Variants in ATP2B2 observed in about 807,000 individuals in gnomAD.
The protein encoded by ATP2B2 is ATPase plasma membrane Ca2+ transporting 2.
A neutral mutation model predicts 120.0 loss-of-function variants in ATP2B2; 15 were observed. The observed-to-expected ratio is 0.12, with a 90% CI of 0.08 to 0.19. The LOEUF (loss-of-function observed/expected upper bound fraction) is 0.19. Among genes scored for constraint, ATP2B2 ranks in the 10% least tolerant of loss-of-function variants. The pLI, the probability that ATP2B2 is intolerant of heterozygous loss-of-function variation, is 1.00. For missense variants in ATP2B2, 1,045 were observed against 1,719.8 expected, an observed-to-expected ratio of 0.61 and a Z score of 6.94; for synonymous variants, 694 against 700.3, an observed-to-expected ratio of 0.99 and a Z score of 0.14.
chr3:10,357,751 T>C (rs1345252631), intron 14 of ATP2B2, among the ~76,000 whole-genome samples: 2 of 152,180 alleles, frequency 1.3e-5, no homozygotes, highest in East Asian at 3.9e-4. Context: ...CAGCCCCTCC[T>C]GCACGCTGCC....
chr3:10,394,214 G>A (rs907090384), intron 5 of ATP2B2, among the ~76,000 whole-genome samples: 53 of 152,006 alleles, frequency 3.5e-4, no homozygotes, highest in Admixed American at 5.2e-4. Context: ...TATTTCTGGG[G>A]GCTATTATCT....
intron 18 of ATP2B2, among the ~76,000 whole-genome samples, 169 bp downstream of exon 18, chr3:10,345,215 C>T (rs2060396208): frequency 6.6e-6 from 1 of 152,258 alleles, no homozygotes; most frequent in Non-Finnish European, 1.5e-5. Context: ...CCAGTGCCTG[C>T]ACCTGAGCTC....
At chr3:10,620,939 A>T (rs1158199784) in intron 1 of ATP2B2, among the ~76,000 whole-genome samples, 1 of 151,866 alleles carries the variant, frequency 6.6e-6, no homozygotes, top group Non-Finnish European at 1.5e-5. Context: ...TGTCCTCCTC[A>T]CTCACAGGGT....
At position 10,414,578 on chromosome 3, in the gene ATP2B2, T is replaced by G. The variant is rs142439712; in HGVS notation, c.200-3763A>C. Among the ~76,000 whole-genome samples, 1,211 of 152,308 alleles carry G rather than the reference T, an allele frequency of 8.0e-3. 12 individuals are homozygous for G. The highest frequency in any genetic ancestry group is 0.028 in the African/African-American group (1,157 of 41,560). ...GGGCCCAGTGTGGCAGATCTTCCAA[T>G]CTTCTAAGAGAAGCTGGACATCTGG... is the stretch of plus-strand genomic sequence containing the variant. On this transcript the variant is annotated intron_variant, in intron 2 of 22. Coordinates refer to ENST00000360273, the MANE Select transcript of ATP2B2 (RefSeq NM_001001331.4).
chr3:10,573,019 C>T (rs1324784865), intron 2 of ATP2B2, among the ~76,000 whole-genome samples: 6 of 152,156 alleles, frequency 3.9e-5, no homozygotes, highest in Admixed American at 1.3e-4. Context: ...ATTCCTGGTG[C>T]ATCTCAAATC....
intron 2 of ATP2B2, among the ~76,000 whole-genome samples, chr3:10,445,816 C>G (rs1444622473): frequency 6.6e-6 from 1 of 152,212 alleles, no homozygotes; most frequent in Non-Finnish European, 1.5e-5. Flanking sequence ...AATGGTCAAA[C>G]TGAGTCCCTG....
At chr3:10,383,259 G>A (rs1250264371) in intron 8 of ATP2B2, among the ~76,000 whole-genome samples, 1 of 152,052 alleles carries the variant, frequency 6.6e-6, no homozygotes, top group Non-Finnish European at 1.5e-5. Flanking sequence ...ATTTCCCAGA[G>A]TATATTATGG....
intron 1 of ATP2B2, among the ~76,000 whole-genome samples, chr3:10,465,133 A>C (rs1186622240): frequency 6.6e-6 from 1 of 152,188 alleles, no homozygotes; most frequent in Non-Finnish European, 1.5e-5. Flanking sequence ...CTCTCCCCTG[A>C]GCCCTGGTGT....
At chr3:10,682,845 G>T (rs891489684) in intron 1 of ATP2B2, among the ~76,000 whole-genome samples, 3 of 152,192 alleles carry the variant, frequency 2.0e-5, no homozygotes, top group Non-Finnish European at 4.4e-5. Flanking sequence ...GCTTCTGATG[G>T]GACAACCACA....
chr3:10,663,230 TATA>T (rs139249355), intron 1 of ATP2B2, among the ~76,000 whole-genome samples: 34,213 of 150,206 alleles, frequency 0.23, 6,687 homozygotes, highest in African/African-American at 0.53. Context: ...GAATTTAAAG[TATA>T]ATAATAATAA....
intron 1 of ATP2B2, among the ~76,000 whole-genome samples, chr3:10,451,377 G>GT (rs141720030): frequency 0.055 from 8,404 of 152,270 alleles, 770 homozygotes; most frequent in African/African-American, 0.19. Flanking sequence ...AGTTCCTTCA[G>GT]TTTTTGGAGC....
At chr3:10,665,140 C>T (rs2070894185) in intron 1 of ATP2B2, among the ~76,000 whole-genome samples, 1 of 152,230 alleles carries the variant, frequency 6.6e-6, no homozygotes, top group South Asian at 2.1e-4. Flanking sequence ...ACCTGCTACC[C>T]TGCTCTGAGC....
intron 3 of ATP2B2, among the ~76,000 whole-genome samples, chr3:10,529,084 C>T (rs78922370): frequency 0.015 from 2,244 of 152,312 alleles, 46 homozygotes; most frequent in African/African-American, 0.051. Context: ...GTGCTACTTC[C>T]CACCTTCCCG....
intron 2 of ATP2B2, among the ~76,000 whole-genome samples, chr3:10,616,026 G>T (rs1575560979): frequency 6.6e-6 from 1 of 152,076 alleles, no homozygotes; most frequent in African/African-American, 2.4e-5. Context: ...ATTTATTAAG[G>T]ATGGAGACAT....
At chr3:10,557,949 A>G (rs1559457678) in intron 2 of ATP2B2, among the ~76,000 whole-genome samples, 2 of 152,178 alleles carry the variant, frequency 1.3e-5, no homozygotes, top group Non-Finnish European at 2.9e-5. Flanking sequence ...CATCTTGGTC[A>G]GAGATGGTAG....
At chr3:10,640,846 C>G (rs2070151671) in intron 1 of ATP2B2, among the ~76,000 whole-genome samples, 1 of 152,210 alleles carries the variant, frequency 6.6e-6, no homozygotes, top group African/African-American at 2.4e-5. Flanking sequence ...AAGGCCAGAT[C>G]ATAGTACAGA....
chr3:10,473,426 G>A (rs987999112), intron 1 of ATP2B2, among the ~76,000 whole-genome samples: 1 of 152,220 alleles, frequency 6.6e-6, no homozygotes, highest in South Asian at 2.1e-4. Context: ...GAGGCCAGGA[G>A]TTTGAGACCA....
chr3:10,397,442 A>G (rs1463032568), intron 5 of ATP2B2, among the ~76,000 whole-genome samples: 2 of 152,202 alleles, frequency 1.3e-5, no homozygotes, highest in South Asian at 2.1e-4. Flanking sequence ...CTCAAACACC[A>G]TGACGAGGCT....
intron 1 of ATP2B2, among the ~76,000 whole-genome samples, chr3:10,660,143 C>T (rs1257019401): frequency 6.6e-5 from 10 of 152,258 alleles, no homozygotes; most frequent in East Asian, 3.9e-4. Context: ...TAAGAGAAAT[C>T]GGGAAAGATC....
Sources: gnomAD v4.1 joint callset for allele counts (sites outside exome capture counted in the v4.1 genomes callset) on GRCh38, gnomAD v4.1.1 for gene constraint, MANE v1.5 for transcripts, NCBI Gene and HGNC (gene_info 2026-07-23, HGNC 2026-07-21) for gene names.